The following EDDM13 variants were observed in gnomAD, a reference collection of about 807,000 sequenced individuals.
The protein encoded by EDDM13 is epididymal protein 13.
EDDM13 carries 24 observed loss-of-function variants against 17.8 expected under a neutral mutation model. That is an observed-to-expected ratio of 1.35 (90% CI 0.98 to 1.90). The LOEUF (loss-of-function observed/expected upper bound fraction) is 1.90. EDDM13 is among the 40% of genes most tolerant of loss of function. The pLI, the probability that EDDM13 is intolerant of heterozygous loss-of-function variation, is 0.00. For missense variants in EDDM13, 97 were observed against 100.8 expected, an observed-to-expected ratio of 0.96 and a Z score of 0.16; for synonymous variants, 31 against 37.5, an observed-to-expected ratio of 0.83 and a Z score of 0.63.
chr19:56,302,530 CTCT>C (rs1217430679), intron 13 of EDDM13, among the ~76,000 whole-genome samples: 372 of 24,304 alleles, frequency 0.015, no homozygotes, highest in Non-Finnish European at 0.042. Context: ...CCCTCCCTCC[CTCT>C]TCTTCCTCCC....
At chr19:56,286,250 G>A (rs1402720132) in intron 6 of EDDM13, 1 of 152,064 alleles carries the variant, frequency 6.6e-6, no homozygotes, top group Non-Finnish European at 1.5e-5. Flanking sequence ...TTGAACTCCT[G>A]ACCTTGTGAT....
chr19:56,282,673 C>A (rs2038803726), intron 4 of EDDM13, among the ~76,000 whole-genome samples, 174 bp downstream of exon 4: 1 of 152,174 alleles, frequency 6.6e-6, no homozygotes, highest in African/African-American at 2.4e-5. Context: ...ACAACAACAA[C>A]AACAAAAGCC....
chr19:56,275,159 A>G (rs2038153845), intron 1 of EDDM13, among the ~76,000 whole-genome samples: 1 of 151,978 alleles, frequency 6.6e-6, no homozygotes, highest in Admixed American at 6.6e-5. Flanking sequence ...TTAAGTTACT[A>G]TTTTCCCCCT....
intron 14 of EDDM13, among the ~76,000 whole-genome samples, chr19:56,309,178 C>A (rs35560203): frequency 6.6e-6 from 1 of 152,232 alleles, no homozygotes; most frequent in East Asian, 1.9e-4. Flanking sequence ...AAACACTGTG[C>A]TGAGTGAAAG....
Position 56,302,050 on chromosome 19 carries a change from C to G in EDDM13, c.378C>G (p.Tyr126Ter). The G allele has an allele frequency of 8.1e-7, 1 of 1,231,978 alleles. No homozygotes were observed. The highest frequency in any genetic ancestry group is 1.0e-6 in the Non-Finnish European group (1 of 988,216). 76.3% of individuals were successfully genotyped at this position (1,231,978 alleles called of 1,614,324 possible). A position where few individuals can be genotyped will look rare whatever the true frequency, so the allele number is the denominator to read the frequency against. ...KNTWNFLKCA[Y>*]MVMTYLFVSY... ...CGTGGAACTTCCTGAAATGCGCCTA[C>G]ATGGTGATGACCTACCTCTTCGTAT... The change falls in exon 13 of 15, where the codon TAC becomes TAG. Residue 126 changes from tyrosine to a stop codon, truncating the protein, a stop_gained. Transcript: ENST00000649256. LOFTEE classifies it high-confidence loss of function.
chr19:56,280,270 T>A (rs942763195), intron 2 of EDDM13, among the ~76,000 whole-genome samples: 30 of 152,218 alleles, frequency 2.0e-4, no homozygotes, highest in African/African-American at 7.2e-4. Flanking sequence ...ATAAGGAGCA[T>A]CCTCAACCTC....
At chr19:56,283,376 AT>A (rs2038859093) in intron 4 of EDDM13, 1 of 152,142 alleles carries the variant, frequency 6.6e-6, no homozygotes, top group Non-Finnish European at 1.5e-5. Context: ...ATTGACACAG[AT>A]CCAAACAGGA....
At chr19:56,276,506 C>CTCTTT (rs2038268919) in intron 2 of EDDM13, among the ~76,000 whole-genome samples, 1 of 139,736 alleles carries the variant, frequency 7.2e-6, no homozygotes. Context: ...CTAAAGAGCT[C>CTCTTT]TTTTTTTTTT....
intron 2 of EDDM13, among the ~76,000 whole-genome samples, chr19:56,280,445 A>G (rs898655303): frequency 2.0e-5 from 3 of 152,160 alleles, no homozygotes; most frequent in Non-Finnish European, 2.9e-5. Flanking sequence ...TATAGGATAT[A>G]TATCAATGTA....
At chr19:56,278,172 A>G (rs570574125) in intron 2 of EDDM13, among the ~76,000 whole-genome samples, 11 of 151,628 alleles carry the variant, frequency 7.3e-5, no homozygotes, top group Admixed American at 3.3e-4. Context: ...CCCAGGCTGG[A>G]ATACAGTGGC....
At chr19:56,294,927 A>G (rs2039760285) in intron 9 of EDDM13, 2 of 152,280 alleles carry the variant, frequency 1.3e-5, no homozygotes, top group Non-Finnish European at 2.9e-5. Flanking sequence ...CACAGCAGGC[A>G]AGTCCACAGA....
intron 9 of EDDM13, chr19:56,295,124 C>T (rs969659801): frequency 5.9e-5 from 9 of 152,088 alleles, no homozygotes; most frequent in Non-Finnish European, 1.2e-4. Flanking sequence ...TGTGAATGTC[C>T]TAAAAACTAC....
intron 14 of EDDM13, among the ~76,000 whole-genome samples, chr19:56,306,888 C>A (rs1429681094): frequency 2.6e-4 from 16 of 61,922 alleles, no homozygotes; most frequent in African/African-American, 1.1e-3. Flanking sequence ...TCTCCCACGT[C>A]GCCAGAGAAA....
intron 14 of EDDM13, among the ~76,000 whole-genome samples, chr19:56,308,606 G>A (rs1405644420): frequency 1.3e-5 from 2 of 152,178 alleles, no homozygotes; most frequent in East Asian, 3.8e-4. Context: ...TTACAGGCAT[G>A]AGCCACCACG....
chr19:56,293,822 T>A (rs1209300488), intron 9 of EDDM13, among the ~76,000 whole-genome samples: 1 of 151,878 alleles, frequency 6.6e-6, no homozygotes, highest in Non-Finnish European at 1.5e-5. Flanking sequence ...TTGCTACACA[T>A]CCTACAATGC....
intron 12 of EDDM13, among the ~76,000 whole-genome samples, chr19:56,299,030 T>TA (rs1204865764): frequency 6.6e-6 from 1 of 152,166 alleles, no homozygotes; most frequent in East Asian, 1.9e-4. Context: ...GTTTAATAGG[T>TA]AAAAACAAAT....
intron 12 of EDDM13, among the ~76,000 whole-genome samples, chr19:56,300,681 C>T (rs189141969): frequency 3.3e-5 from 5 of 152,276 alleles, no homozygotes; most frequent in African/African-American, 9.6e-5. Flanking sequence ...AAGGAGTAAT[C>T]GCTTCCTGAA....
intron 13 of EDDM13, among the ~76,000 whole-genome samples, chr19:56,302,536 TTCC>T (rs1455795366): frequency 7.4e-5 from 4 of 53,908 alleles, no homozygotes; most frequent in South Asian, 1.1e-3. Context: ...CTCCCTCTTC[TTCC>T]TCCCCGTTCC....
chr19:56,282,802 GATA>G (rs2038813347), intron 4 of EDDM13, among the ~76,000 whole-genome samples: 1 of 152,202 alleles, frequency 6.6e-6, no homozygotes, highest in South Asian at 2.1e-4. Context: ...ACCTGACATC[GATA>G]ATAATATTTG....
Sources: gnomAD v4.1 joint callset for allele counts (sites outside exome capture counted in the v4.1 genomes callset) on GRCh38, gnomAD v4.1.1 for gene constraint, MANE v1.5 for transcripts, NCBI Gene and HGNC (gene_info 2026-07-23, HGNC 2026-07-21) for gene names.